Variants in TBL3 observed in about 807,000 individuals in gnomAD.
TBL3 encodes transducin beta-like protein 3.
Under a neutral mutation model 102.7 loss-of-function variants are expected in TBL3, and 71 were observed. The observed-to-expected ratio is 0.69, with a 90% CI of 0.57 to 0.84. The LOEUF is 0.84. TBL3 is among the 40% of genes least tolerant of loss of function. TBL3 has a pLI of 0.00. For missense variants in TBL3, 1,188 were observed against 1,098.5 expected (o/e 1.08, Z -1.15); for synonymous variants, 578 against 477.7 (o/e 1.21, Z -2.74).
Position 1,975,336 on chromosome 16 carries a change from C to A in TBL3, c.712-9C>A. The A allele has an allele frequency of 6.2e-7, 1 of 1,614,026 alleles. No homozygotes were observed. The highest frequency in any genetic ancestry group is 8.5e-7 in the Non-Finnish European group (1 of 1,180,028). On this transcript the variant is annotated splice_polypyrimidine_tract_variant and intron_variant, in intron 8 of 21. Coordinates refer to ENST00000568546, the MANE Select transcript of TBL3 (RefSeq NM_006453.3). ...CATGATAGCAGCCTGTGACCCAATT[C>A]GTCTCCAGAGCGTGGAGGCTGCTGT...
chr16:1,978,652 C>G lies in TBL3; in HGVS notation c.2394C>G (p.Thr798=). 6.2e-7 allele frequency: 1 copy of G among 1,612,580 alleles called. No homozygotes were observed. Among genetic ancestry groups the G allele is most frequent in the Non-Finnish European group, 8.5e-7 (1 of 1,179,748 alleles). ...TCCCTGTGCCGGCCGCCGCCCCCAC[C>G]CCCTGGGAAACCCATAAAGGCGCAC... ...MKLPVPAAAP[T]PWETHKGALP is the part of the protein sequence containing the mutation. Residue 798 remains threonine (T), a synonymous_variant, in exon 22 of 22, where the codon ACC becomes ACG. Transcript: ENST00000568546.
rs199575703 is a variant in TBL3 at position 1,975,811 on chromosome 16, G to A, written c.991G>A (p.Ala331Thr). 164 of 1,614,126 alleles carry A rather than the reference G, an allele frequency of 1.0e-4. No homozygotes were observed. The African/African-American group carries it at 1.8e-3, about 18-fold the overall frequency. The change falls in exon 11 of 22, where the codon GCT (alanine) becomes ACT (threonine). Residue 331 changes from alanine to threonine, a missense_variant. Physicochemically the swap from Ala to Thr is moderately conservative, Grantham distance 58. Coordinates refer to ENST00000568546, the MANE Select transcript of TBL3 (RefSeq NM_006453.3). ...ARSLRLQKQF[A>T]GYSEEVLDVR... is the part of the protein sequence containing the mutation. ...CCTGCTCCCTGCCACCCCGCAGTTC[G>A]CTGGCTACAGTGAGGAGGTTTTGGA...
Position 1,979,806 on chromosome 16 carries a change from C to A in TBL3, c.*1121C>A. On this transcript the variant is annotated 3_prime_UTR_variant, in exon 22 of 22. Transcript: ENST00000568546. Reference sequence around the variant, plus strand: ...GGCGCATACCGCTGCTCCCTAGGGACGGGCCTCCCTCCCGGCCTTGGCCCG... The same window carrying A: ...GGCGCATACCGCTGCTCCCTAGGGAAGGGCCTCCCTCCCGGCCTTGGCCCG... 1 of 1,557,460 alleles carries A rather than the reference C, an allele frequency of 6.4e-7. No individual in the cohort carries two copies. The highest frequency in any genetic ancestry group is 8.7e-7 in the Non-Finnish European group (1 of 1,152,950).
intron 2 of TBL3, 21 bp from the exon 3 acceptor site, chr16:1,974,176 C>T (rs1253293052): frequency 1.3e-6 from 2 of 1,565,948 alleles, no homozygotes; most frequent in Admixed American, 1.8e-5. Context: ...TGTTGCCTGG[C>T]TGAGACCTCT....
intron 19 of TBL3, 34 bp from the exon 20 acceptor site, chr16:1,978,115 G>A (rs769720655): frequency 1.2e-6 from 2 of 1,611,542 alleles, no homozygotes; most frequent in South Asian, 2.2e-5. Flanking sequence ...ACTGGGCTCT[G>A]CTTTCCCCAG....
At position 1,980,125 on chromosome 16, in the gene TBL3, A is replaced by C; in HGVS notation, c.*1440A>C. 17 of 1,607,498 alleles carry C rather than the reference A, an allele frequency of 1.1e-5. No homozygotes were observed. The highest frequency in any genetic ancestry group is 1.9e-4 in the Middle Eastern group (1 of 5,144). ...CTGAGCCTCCAGACTGTGGATGGAGAGGCGGCCCGCAGCGCGAGAAAGAGG... is the reference window on the plus strand; with the variant it reads ...CTGAGCCTCCAGACTGTGGATGGAGCGGCGGCCCGCAGCGCGAGAAAGAGG... On this transcript the variant is annotated 3_prime_UTR_variant, in exon 22 of 22. Coordinates refer to ENST00000568546, the MANE Select transcript of TBL3 (RefSeq NM_006453.3).
rs1327733295 is a variant in TBL3 at position 1,981,435 on chromosome 16, G to A, written c.*2750G>A. The A allele has an allele frequency of 1.1e-6, 1 of 883,754 alleles. No homozygotes were observed. Among genetic ancestry groups the A allele is most frequent in the Non-Finnish European group, 1.6e-6 (1 of 607,142 alleles). The allele number at this position is 883,754 out of a possible 1,614,324, so 54.7% of individuals were successfully genotyped here. On this transcript the variant is annotated 3_prime_UTR_variant, in exon 22 of 22. Coordinates refer to ENST00000568546, the MANE Select transcript of TBL3 (RefSeq NM_006453.3). ...GCAGAGCTGCTGGGAGGAAGAAGAA[G>A]AATGAGCTTTCCAGCCCTGGAGGCG...
Position 1,981,241 on chromosome 16 carries a change from T to C in TBL3, c.*2556T>C. The stretch of plus-strand genomic sequence containing the variant: ...CGAGGACCCTTCTGCCTCCCCGTGC[T>C]TGAGAGGGCTCTGGGGGACCCAGAA... On this transcript the variant is annotated 3_prime_UTR_variant, in exon 22 of 22. Coordinates refer to ENST00000568546, the MANE Select transcript of TBL3 (RefSeq NM_006453.3). 1 of 1,607,560 alleles carries C rather than the reference T, an allele frequency of 6.2e-7. No individual in the cohort carries two copies. Among genetic ancestry groups the C allele is most frequent in the African/African-American group, 1.3e-5 (1 of 74,950 alleles).
In TBL3 at chr16:1,979,308, C is replaced by T. The variant is rs373838456; in HGVS notation, c.*623C>T. 2.5e-6 allele frequency: 4 copies of T among 1,569,920 alleles called. No homozygotes were observed. The highest frequency in any genetic ancestry group is 1.7e-6 in the Non-Finnish European group (2 of 1,165,564). ...CAGGAGAGCGCCCAGCCCTTCCGGC[C>T]GCAGCAGCACCGCGGGGAGTAGGCC... On this transcript the variant is annotated 3_prime_UTR_variant, in exon 22 of 22. Coordinates refer to ENST00000568546, the MANE Select transcript of TBL3 (RefSeq NM_006453.3).
chr16:1,978,383 G>A lies in TBL3; in HGVS notation c.2205G>A (p.Leu735=), dbSNP rs748858981. The A allele has an allele frequency of 1.1e-5, 18 of 1,611,434 alleles. No individual in the cohort carries two copies. The East Asian group carries it at 3.1e-4, about 28-fold the overall frequency. The change falls in exon 21 of 22, where the codon CTG becomes CTA. Residue 735 remains leucine (L), a synonymous_variant. Coordinates refer to ENST00000568546, the MANE Select transcript of TBL3 (RefSeq NM_006453.3). ...ACTGCCACGAGGCCCAGGCCGTGCT[G>A]GGTGTGCTCTTGAGGCGAGAGGCCC... is the stretch of plus-strand genomic sequence containing the variant. ...SRHCHEAQAV[L]GVLLRREAPE...
chr16:1,972,163 A>G lies in TBL3; in HGVS notation c.-2A>G. ...TTCAGCTGGAGCGGCGGCGGCGGCAACATGGCAGAGACCGCGGCCGGAGTG... is the reference window on the plus strand; with the variant it reads ...TTCAGCTGGAGCGGCGGCGGCGGCAGCATGGCAGAGACCGCGGCCGGAGTG... On this transcript the variant is annotated 5_prime_UTR_variant, in exon 1 of 22. Coordinates refer to ENST00000568546, the MANE Select transcript of TBL3 (RefSeq NM_006453.3). The G allele has an allele frequency of 6.9e-7, 1 of 1,457,402 alleles. No homozygotes were observed. Among genetic ancestry groups the G allele is most frequent in the East Asian group, 3.0e-5 (1 of 33,778 alleles). The allele number at this position is 1,457,402 out of a possible 1,614,324, so 90.3% of individuals were successfully genotyped here.
At position 1,979,244 on chromosome 16, in the gene TBL3, A is replaced by G; in HGVS notation, c.*559A>G. 3 of 1,512,918 alleles carry G rather than the reference A, an allele frequency of 2.0e-6. No homozygotes were observed. Among genetic ancestry groups the G allele is most frequent in the Non-Finnish European group, 2.6e-6 (3 of 1,137,300 alleles). The allele number at this position is 1,512,918 out of a possible 1,614,324, so 93.7% of individuals were successfully genotyped here. On this transcript the variant is annotated 3_prime_UTR_variant, in exon 22 of 22. Transcript: ENST00000568546. Reference sequence around the variant, plus strand: ...AGGGTTCAGGGAAGCCCCGGGCCTCACCCGCCGGGTCGTCTCCTCCACGGA... The same window carrying G: ...AGGGTTCAGGGAAGCCCCGGGCCTCGCCCGCCGGGTCGTCTCCTCCACGGA...
At chr16:1,972,553 T>G (rs1160392779) in intron 1 of TBL3, among the ~76,000 whole-genome samples, 3 of 152,174 alleles carry the variant, frequency 2.0e-5, no homozygotes. Flanking sequence ...GAACCACCTC[T>G]GAGCAGTCGG....
In TBL3 at chr16:1,975,357, G is replaced by A. The variant is rs1326683314; in HGVS notation, c.724G>A (p.Ala242Thr). ...TVPVFESVEA[A>T]VLLPEEPVSQ... ...AATTCGTCTCCAGAGCGTGGAGGCT[G>A]CTGTGCTGTTGCCAGAGGAGCCAGT... is the stretch of plus-strand genomic sequence containing the variant. The change falls in exon 9 of 22, where the codon GCT (alanine) becomes ACT (threonine). Residue 242 changes from alanine to threonine, a missense_variant. Ala to Thr is a moderately conservative substitution (Grantham distance 58). Transcript: ENST00000568546. The A allele has an allele frequency of 8.1e-6, 13 of 1,613,910 alleles. No individual in the cohort carries two copies. Among genetic ancestry groups the A allele is most frequent in the Non-Finnish European group, 1.1e-5 (13 of 1,180,026 alleles).
chr16:1,979,594 C>T lies in TBL3; in HGVS notation c.*909C>T. ...CCGCGGGGCCACAGAGGACGAGGCC[C>T]GCCCGCACCCTTCTCCACATTCTCC... On this transcript the variant is annotated 3_prime_UTR_variant, in exon 22 of 22. Transcript: ENST00000568546. 1.4e-6 allele frequency: 2 copies of T among 1,471,254 alleles called. No individual in the cohort carries two copies. Among genetic ancestry groups the T allele is most frequent in the Non-Finnish European group, 1.9e-6 (2 of 1,063,836 alleles). The allele number at this position is 1,471,254 out of a possible 1,614,324, so 91.1% of individuals were successfully genotyped here.
At position 1,980,459 on chromosome 16, in the gene TBL3, C is replaced by T. The variant is rs778125331; in HGVS notation, c.*1774C>T. 1.4e-5 allele frequency: 22 copies of T among 1,601,878 alleles called. No homozygotes were observed. The Admixed American group carries it at 1.5e-4, about 11-fold the overall frequency. ...TCCGTGCCACGCGCTCTGCAGTCGC[C>T]AGCAGCCTCCGAGAATAGGTTTCCA... is the stretch of plus-strand genomic sequence containing the variant. On this transcript the variant is annotated 3_prime_UTR_variant, in exon 22 of 22. Transcript: ENST00000568546.
rs1303398363 is a variant in TBL3, at chr16:1,975,992, G to A, written c.1129+43G>A. The stretch of plus-strand genomic sequence containing the variant: ...ACCTGACACCCTGGGAGCCGCCTCG[G>A]TCCCTTGCTTGCTTCCCTTCCCCCG... On this transcript the variant is annotated intron_variant, in intron 11 of 21. Coordinates refer to ENST00000568546, the MANE Select transcript of TBL3 (RefSeq NM_006453.3). 1.3e-5 allele frequency: 21 copies of A among 1,613,978 alleles called. No homozygotes were observed. The Admixed American group carries it at 3.5e-4, about 27-fold the overall frequency.
chr16:1,980,987 GC>G lies in TBL3; in HGVS notation c.*2304del, dbSNP rs1157211022. The G allele has an allele frequency of 6.2e-7, 1 of 1,613,142 alleles. No homozygotes were observed. Among genetic ancestry groups the G allele is most frequent in the Non-Finnish European group, 8.5e-7 (1 of 1,180,014 alleles). ...AACTCCTGCGCACGAAGGTGTCGCTGCCGTCTGACCAGCGCACAGAGAAGGC... is the reference window on the plus strand; with the variant it reads ...AACTCCTGCGCACGAAGGTGTCGCTGCGTCTGACCAGCGCACAGAGAAGGC... On this transcript the variant is annotated 3_prime_UTR_variant, in exon 22 of 22. Transcript: ENST00000568546.
rs1055516159 is a variant in TBL3 at position 1,982,027 on chromosome 16, C to G, written c.*3342C>G. On this transcript the variant is annotated 3_prime_UTR_variant, in exon 22 of 22. Coordinates refer to ENST00000568546, the MANE Select transcript of TBL3 (RefSeq NM_006453.3). Reference sequence around the variant, plus strand: ...CAAACATGGCCTGGGCAGAGGCTCGCCCAGGTGCCCCACCTCTCTGGCTGC... The same window carrying G: ...CAAACATGGCCTGGGCAGAGGCTCGGCCAGGTGCCCCACCTCTCTGGCTGC... 8 of 152,172 alleles carry G rather than the reference C, an allele frequency of 5.3e-5. No individual in the cohort carries two copies. Among genetic ancestry groups the G allele is most frequent in the African/African-American group, 1.9e-4 (8 of 41,434 alleles). 9.4% of individuals were successfully genotyped at this position (152,172 alleles called of 1,614,324 possible).
Sources: allele counts gnomAD v4.1 joint callset (sites outside exome capture counted in the v4.1 genomes callset), GRCh38; gene constraint gnomAD v4.1.1; transcripts MANE v1.5; gene names NCBI Gene and HGNC (gene_info 2026-07-23, HGNC 2026-07-21).